Variants in PDE4D observed in about 807,000 individuals in gnomAD.
The protein encoded by PDE4D is phosphodiesterase 4D, also known as 3',5'-cyclic-AMP phosphodiesterase 4D.
In PDE4D, 24 loss-of-function variants were observed where a neutral mutation model predicts 87.4. The observed-to-expected ratio is 0.27, with a 90% CI of 0.20 to 0.39. The LOEUF (loss-of-function observed/expected upper bound fraction) is 0.39, where lower values mean the gene tolerates loss of function less well. Among genes scored for constraint, PDE4D ranks in the 10% least tolerant of loss-of-function variants. PDE4D has a pLI of 1.00. For synonymous variants in PDE4D, 384 were observed against 383.2 expected (o/e 1.00, Z -0.02); for missense variants, 714 against 1,041.0 (o/e 0.69, Z 4.32).
intron 1 of PDE4D, among the ~76,000 whole-genome samples, chr5:59,624,390 TC>T (rs1830667354): frequency 6.6e-6 from 1 of 152,180 alleles, no homozygotes; most frequent in Admixed American, 6.6e-5. Flanking sequence ...AAAGATCTTC[TC>T]CCGAATTTGT....
intron 1 of PDE4D, among the ~76,000 whole-genome samples, chr5:59,555,446 C>G (rs1387666177): frequency 6.6e-6 from 1 of 151,750 alleles, no homozygotes; most frequent in Admixed American, 6.6e-5. Context: ...ACCCCCATGA[C>G]AGGAGCTTAC....
intron 1 of PDE4D, among the ~76,000 whole-genome samples, chr5:59,599,678 C>G (rs914024340): frequency 2.6e-5 from 4 of 152,060 alleles, no homozygotes; most frequent in African/African-American, 9.7e-5. Context: ...TAACCCAAAA[C>G]TCTAAACTTG....
intron 1 of PDE4D, among the ~76,000 whole-genome samples, chr5:59,325,990 T>C (rs937129432): frequency 6.6e-6 from 1 of 152,038 alleles, no homozygotes; most frequent in African/African-American, 2.4e-5. Context: ...AGCTGGAAAC[T>C]ATCATTCTCA....
intron 5 of PDE4D, among the ~76,000 whole-genome samples, chr5:59,109,923 AAGG>A (rs1772312746): frequency 6.6e-6 from 1 of 152,094 alleles, no homozygotes; most frequent in South Asian, 2.1e-4. Flanking sequence ...ATCAAAGACA[AAGG>A]AGACTTGCCT....
At chr5:60,378,898 A>AGAG (rs375609134) in intron 1 of PDE4D, among the ~76,000 whole-genome samples, 1 of 151,948 alleles carries the variant, frequency 6.6e-6, no homozygotes, top group Non-Finnish European at 1.5e-5. Flanking sequence ...AGAGAGAGAG[A>AGAG]AAGAAAGAAA....
At chr5:59,668,449 C>G (rs1177810889) in intron 1 of PDE4D, among the ~76,000 whole-genome samples, 1 of 152,118 alleles carries the variant, frequency 6.6e-6, no homozygotes, top group Non-Finnish European at 1.5e-5. Flanking sequence ...GTGGCTCATG[C>G]CTGTAACTCC....
intron 1 of PDE4D, among the ~76,000 whole-genome samples, chr5:59,569,899 T>C (rs937172770): frequency 2.6e-5 from 4 of 152,230 alleles, no homozygotes; most frequent in African/African-American, 9.6e-5. Flanking sequence ...GTGCATTCAT[T>C]ACCTCTTTAT....
At chr5:59,604,247 T>C (rs901253689) in intron 1 of PDE4D, among the ~76,000 whole-genome samples, 4 of 151,984 alleles carry the variant, frequency 2.6e-5, no homozygotes, top group African/African-American at 9.7e-5. Flanking sequence ...TCTTAATTTT[T>C]TCGTCTGGAA....
At position 60,243,743 on chromosome 5, in the gene PDE4D, A is replaced by T. The variant is rs183882813; in HGVS notation, c.-89-58056T>A. Among the ~76,000 whole-genome samples the T allele has an allele frequency of 8.7e-4, 133 of 152,152 alleles. 1 individual carries two copies. Among genetic ancestry groups the T allele is most frequent in the Non-Finnish European group, 1.3e-3 (87 of 67,914 alleles). ...AATTGATGCTGAAAAAGCATTTGAT[A>T]AAATTTCACATCCCTTTATGGTAAA... On this transcript the variant is annotated intron_variant, in intron 1 of 16. Transcript: ENST00000502484.
At chr5:59,092,572 T>C (rs895493477) in intron 5 of PDE4D, among the ~76,000 whole-genome samples, 2 of 152,192 alleles carry the variant, frequency 1.3e-5, no homozygotes, top group African/African-American at 2.4e-5. Context: ...AAGTACGGTT[T>C]CATTTTAAAT....
At chr5:59,656,101 C>A (rs529093057) in intron 1 of PDE4D, among the ~76,000 whole-genome samples, 1 of 152,112 alleles carries the variant, frequency 6.6e-6, no homozygotes, top group South Asian at 2.1e-4. Context: ...CTATATACCA[C>A]AGACACAGAT....
intron 1 of PDE4D, among the ~76,000 whole-genome samples, chr5:59,737,103 T>C (rs952102826): frequency 2.7e-5 from 4 of 150,640 alleles, no homozygotes; most frequent in Non-Finnish European, 5.9e-5. Context: ...CTCTTTGAAA[T>C]TCTCTTTGGT....
chr5:60,224,864 A>C (rs1583134747), intron 1 of PDE4D, among the ~76,000 whole-genome samples: 1 of 151,898 alleles, frequency 6.6e-6, no homozygotes, highest in East Asian at 1.9e-4. Flanking sequence ...GGAGGCGGGG[A>C]GAGGGAAAGA....
intron 2 of PDE4D, among the ~76,000 whole-genome samples, chr5:60,010,069 A>G (rs939899844): frequency 6.6e-6 from 1 of 152,076 alleles, no homozygotes. Flanking sequence ...AACATTTGCA[A>G]AAAGAACTAA....
chr5:59,122,617 T>C (rs938621488), intron 5 of PDE4D, among the ~76,000 whole-genome samples: 2 of 152,368 alleles, frequency 1.3e-5, no homozygotes, highest in East Asian at 1.9e-4. Flanking sequence ...ATATTGTGTA[T>C]GTAACAAAAC....
chr5:59,687,335 C>A (rs1164183699), intron 1 of PDE4D, among the ~76,000 whole-genome samples: 1 of 152,122 alleles, frequency 6.6e-6, no homozygotes, highest in South Asian at 2.1e-4. Flanking sequence ...AGAGAAAGGT[C>A]GGGTTACCCA....
At chr5:59,172,955 A>G (rs941392359) in intron 5 of PDE4D, 7 of 152,108 alleles carry the variant, frequency 4.6e-5, no homozygotes, top group Non-Finnish European at 1.0e-4. Context: ...ATACATTCTG[A>G]GTACCAAGTA....
intron 3 of PDE4D, among the ~76,000 whole-genome samples, chr5:59,942,837 A>AT (rs2152799370): frequency 8.6e-6 from 1 of 116,200 alleles, no homozygotes; most frequent in South Asian, 3.2e-4. Flanking sequence ...AGTCATTAGA[A>AT]TAGTGGTTCC....
At position 59,893,555 on chromosome 5, in the gene PDE4D, C is replaced by A; in HGVS notation, c.68G>T (p.Gly23Val). 2.0e-6 allele frequency: 3 copies of A among 1,537,910 alleles called. 1 individual carries two copies. The African/African-American group carries it at 4.2e-5, about 21-fold the overall frequency. ...ATGCTTGGGGGCTTTGAGCGTGGCC[C>A]CGCCGGCGCTGTCGCTGCCCTCTCC... ...GSGEGSDSAG[G>V]ATLKAPKHLW... The change falls in exon 1 of 15, where the codon GGG becomes GTG. Residue 23 changes from glycine (G) to valine (V), a missense_variant. This residue lies in a region of PDE4D where 268 missense variants were observed against 272.9 expected (regional missense o/e 0.98). Transcript: ENST00000340635.
Sources: allele counts gnomAD v4.1 joint callset (sites outside exome capture counted in the v4.1 genomes callset), GRCh38; gene constraint gnomAD v4.1.1; regional missense constraint gnomAD v4.1.1; transcripts MANE v1.5; gene names NCBI Gene and HGNC (gene_info 2026-07-23, HGNC 2026-07-21).